The following SND1 variants were observed in gnomAD, a reference collection of about 807,000 sequenced individuals.
SND1 encodes staphylococcal nuclease and tudor domain containing 1.
SND1 carries 38 observed loss-of-function variants against 121.7 expected under a neutral mutation model. The ratio of observed to expected loss-of-function variants is 0.31; its 90% CI spans 0.24 to 0.41. SND1 has a LOEUF of 0.41. SND1 is among the 10% of genes least tolerant of loss of function. The pLI, the probability that SND1 is intolerant of heterozygous loss-of-function variation, is 1.00. For missense variants in SND1, 868 were observed against 1,184.6 expected (o/e 0.73, Z 3.92); for synonymous variants, 401 against 447.4 (o/e 0.90, Z 1.31).
At chr7:127,931,679 A>G (rs1800957855) in intron 15 of SND1, among the ~76,000 whole-genome samples, 1 of 152,230 alleles carries the variant, frequency 6.6e-6, no homozygotes. Flanking sequence ...TTCAAAAGAC[A>G]GGTTGACTCT....
At chr7:127,837,637 C>T (rs1477838482) in intron 11 of SND1, among the ~76,000 whole-genome samples, 1 of 152,208 alleles carries the variant, frequency 6.6e-6, no homozygotes, top group Admixed American at 6.5e-5. Flanking sequence ...GACCAACAGG[C>T]TCCTTAGCAA....
intron 1 of SND1, among the ~76,000 whole-genome samples, chr7:127,682,632 G>T (rs1052190593): frequency 2.6e-5 from 4 of 152,202 alleles, no homozygotes; most frequent in African/African-American, 9.7e-5. Context: ...AGCTTTGGCA[G>T]ACTAATTACC....
intron 14 of SND1, among the ~76,000 whole-genome samples, chr7:127,906,701 G>T (rs545109974): frequency 6.6e-5 from 10 of 152,264 alleles, no homozygotes; most frequent in African/African-American, 2.4e-4. Context: ...GGCACCAACA[G>T]TGAGGTGAAG....
intron 10 of SND1, among the ~76,000 whole-genome samples, chr7:127,781,574 T>C (rs1797723282): frequency 1.2e-5 from 1 of 82,030 alleles, no homozygotes; most frequent in Non-Finnish European, 2.6e-5. Context: ...GAAGAAACTT[T>C]TTTGTTCATT....
chr7:128,030,693 G>A lies in SND1; in HGVS notation c.1779+39637G>A. On this transcript the variant is annotated intron_variant, in intron 16 of 23. Coordinates refer to ENST00000354725, the MANE Select transcript of SND1 (RefSeq NM_014390.4). ...GCCTGGGATTTTGGCTCGGAAAGGA[G>A]AACCAGCCCTACCCCGGCTTAAGTG... 3 of 1,522,384 alleles carry A rather than the reference G, an allele frequency of 2.0e-6. No homozygotes were observed. In the East Asian group the frequency reaches 6.8e-5, roughly 35 times the overall value. 94.3% of individuals were successfully genotyped at this position (1,522,384 alleles called of 1,614,324 possible).
chr7:127,798,649 T>A (rs550773313), intron 10 of SND1, among the ~76,000 whole-genome samples: 1 of 152,220 alleles, frequency 6.6e-6, no homozygotes, highest in Non-Finnish European at 1.5e-5. Context: ...AATAAAACTC[T>A]GACCCCCTCT....
intron 13 of SND1, 139 bp from the exon 14 acceptor site, chr7:127,904,608 C>T: frequency 1.7e-6 from 1 of 579,956 alleles, no homozygotes; most frequent in Non-Finnish European, 3.2e-6. Flanking sequence ...AGACTGGCTA[C>T]TCAGCAGTGT....
intron 13 of SND1, among the ~76,000 whole-genome samples, chr7:127,903,672 T>A (rs1234029173): frequency 6.6e-6 from 1 of 152,164 alleles, no homozygotes; most frequent in African/African-American, 2.4e-5. Context: ...ATTTGGCTTA[T>A]GAGGGTTTAC....
chr7:127,766,548 G>A (rs1254248874), intron 10 of SND1, among the ~76,000 whole-genome samples: 10 of 152,120 alleles, frequency 6.6e-5, no homozygotes, highest in Admixed American at 5.9e-4. Context: ...GGCCAAGGCG[G>A]GCGAATCACG....
At chr7:127,786,350 AG>A (rs912643447) in intron 10 of SND1, among the ~76,000 whole-genome samples, 3 of 152,214 alleles carry the variant, frequency 2.0e-5, no homozygotes, top group Non-Finnish European at 4.4e-5. Flanking sequence ...AGATAAGTAA[AG>A]AAGTCATCTG....
intron 15 of SND1, among the ~76,000 whole-genome samples, chr7:127,957,981 C>CGT (rs1368443120): frequency 6.6e-6 from 1 of 152,202 alleles, no homozygotes; most frequent in Non-Finnish European, 1.5e-5. Context: ...GGGTTACAGG[C>CGT]GTGTGCCACT....
At chr7:127,685,495 G>A (rs1185711357) in intron 1 of SND1, among the ~76,000 whole-genome samples, 1 of 152,194 alleles carries the variant, frequency 6.6e-6, no homozygotes, top group Non-Finnish European at 1.5e-5. Context: ...GTTGTATTGT[G>A]AGTCTCTTCG....
intron 1 of SND1, among the ~76,000 whole-genome samples, chr7:127,664,496 A>G (rs1795376866): frequency 6.6e-6 from 1 of 152,212 alleles, no homozygotes; most frequent in South Asian, 2.1e-4. Context: ...CAGAGAGGGC[A>G]TGGAGGCTGT....
chr7:128,039,720 A>C (rs910909200), intron 16 of SND1, among the ~76,000 whole-genome samples: 1 of 152,214 alleles, frequency 6.6e-6, no homozygotes, highest in African/African-American at 2.4e-5. Flanking sequence ...TGTCATTTTC[A>C]AATTGGCTAA....
intron 2 of SND1, among the ~76,000 whole-genome samples, chr7:127,694,371 G>A (rs900240126): frequency 1.3e-5 from 2 of 152,224 alleles, no homozygotes; most frequent in Admixed American, 6.5e-5. Flanking sequence ...AATGGAGGTG[G>A]TAGTTGTTAT....
At position 127,979,853 on chromosome 7, in the gene SND1, A is replaced by G. The variant is rs1473043890; in HGVS notation, c.1670-11094A>G. On this transcript the variant is annotated intron_variant, in intron 15 of 23. Transcript: ENST00000354725. ...ATTCAAAAATGTAAAAATCATTCTT[A>G]GCTCATGAGCTCTGTAAAATCAGTG... is the stretch of plus-strand genomic sequence containing the variant. Among the ~76,000 whole-genome samples the G allele has an allele frequency of 2.0e-5, 3 of 152,224 alleles. No individual in the cohort carries two copies. In the East Asian group the frequency reaches 5.8e-4, roughly 29 times the overall value.
chr7:127,941,148 A>G (rs1037248726), intron 15 of SND1, among the ~76,000 whole-genome samples: 5 of 152,208 alleles, frequency 3.3e-5, no homozygotes, highest in African/African-American at 7.2e-5. Flanking sequence ...TTATTTCATC[A>G]TTAGAGCTTT....
At chr7:127,702,016 T>C (rs1293548865) in intron 5 of SND1, among the ~76,000 whole-genome samples, 1 of 152,254 alleles carries the variant, frequency 6.6e-6, no homozygotes. Context: ...TATAGAGGGC[T>C]GACTGTATGT....
At chr7:127,678,264 C>G (rs1023794513) in intron 1 of SND1, among the ~76,000 whole-genome samples, 13 of 152,160 alleles carry the variant, frequency 8.5e-5, no homozygotes, top group African/African-American at 2.7e-4. Context: ...CTCTCTTGCT[C>G]TCAGATTTCT....
Sources: gnomAD v4.1 joint callset for allele counts (sites outside exome capture counted in the v4.1 genomes callset) on GRCh38, gnomAD v4.1.1 for gene constraint, MANE v1.5 for transcripts, NCBI Gene and HGNC (gene_info 2026-07-23, HGNC 2026-07-21) for gene names.